The following BOK variants were observed in gnomAD, a reference collection of about 807,000 sequenced individuals.
BOK encodes the protein bcl-2-related ovarian killer protein.
A neutral mutation model predicts 18.3 loss-of-function variants in BOK; 20 were observed. The ratio of observed to expected loss-of-function variants is 1.09; its 90% CI spans 0.77 to 1.59. The LOEUF (loss-of-function observed/expected upper bound fraction) is 1.59, where lower values mean the gene tolerates loss of function less well. BOK is among the 40% of genes most tolerant of loss of function. The probability of loss-of-function intolerance (pLI) is 0.00; values close to 1 mark genes in which losing one functional copy is unlikely to be tolerated. For missense variants in BOK, 348 were observed against 307.9 expected (o/e 1.13, Z -0.97); for synonymous variants, 173 against 142.4 (o/e 1.21, Z -1.53).
At chr2:241,567,961 C>T (rs145298473) in intron 3 of BOK, among the ~76,000 whole-genome samples, 173 of 152,220 alleles carry the variant, frequency 1.1e-3, no homozygotes, top group Non-Finnish European at 2.2e-3. Context: ...CGCCCACTGC[C>T]AGCCGTGAGC....
At chr2:241,565,956 TTA>T (rs1575000168) in intron 3 of BOK, among the ~76,000 whole-genome samples, 1 of 152,164 alleles carries the variant, frequency 6.6e-6, no homozygotes, top group African/African-American at 2.4e-5. Context: ...ATATGTAATT[TTA>T]TATAATTCTT....
intron 1 of BOK, among the ~76,000 whole-genome samples, chr2:241,552,194 C>T (rs1442899634): frequency 3.3e-5 from 5 of 152,134 alleles, no homozygotes; most frequent in African/African-American, 1.2e-4. Context: ...ACAAGCGGCT[C>T]CCTCCATGCA....
chr2:241,554,383 C>T (rs2066436257), upstream of BOK, among the ~76,000 whole-genome samples: 1 of 152,200 alleles, frequency 6.6e-6, no homozygotes, highest in Non-Finnish European at 1.5e-5. Flanking sequence ...GGGTTATGGA[C>T]CCCTCTGCGC....
At chr2:241,570,079 G>A (rs111348061) in intron 3 of BOK, 46 bp from the exon 4 acceptor site, 239 of 1,584,106 alleles carry the variant, frequency 1.5e-4, no homozygotes, top group South Asian at 9.1e-4. Flanking sequence ...AAGTGCTCCC[G>A]TGGGCGGGAT....
At chr2:241,558,510 G>A (rs1414136963), upstream of BOK, among the ~76,000 whole-genome samples, 3 of 152,246 alleles carry the variant, frequency 2.0e-5, no homozygotes, top group East Asian at 3.8e-4. Flanking sequence ...GAACCTCTAC[G>A]AACGAAGAAG....
intron 1 of BOK, 113 bp from the exon 2 acceptor site, chr2:241,559,342 G>C (rs2066486800): frequency 1.3e-5 from 7 of 544,698 alleles, no homozygotes; most frequent in Non-Finnish European, 1.7e-5. Flanking sequence ...AAAAACGAGA[G>C]CGGACCCGGC....
rs775210637 is a variant in BOK, at chr2:241,552,408, G to A, written n.54+931G>A. Among the ~76,000 whole-genome samples the A allele has an allele frequency of 1.2e-3, 187 of 152,216 alleles. 1 individual carries two copies. The highest frequency in any genetic ancestry group is 0.01 in the Middle Eastern group (3 of 294). On this transcript the variant is annotated intron_variant and non_coding_transcript_variant, in intron 1 of 1. Transcript: ENST00000641230. The stretch of plus-strand genomic sequence containing the variant: ...CACCCAGTCCCTCTGGCCTCTCCAC[G>A]CCGCGCCATGCCGGTCCACACCCTG...
chr2:241,559,186 C>T (rs1011868495), intron 1 of BOK, among the ~76,000 whole-genome samples, 193 bp downstream of exon 1: 1 of 151,556 alleles, frequency 6.6e-6, no homozygotes, highest in Non-Finnish European at 1.5e-5. Context: ...CCCACGCACT[C>T]GTCTTCGAGG....
In BOK at chr2:241,562,207, G is replaced by A. The variant is rs1024800047; in HGVS notation, c.221-141G>A. 8.8e-6 allele frequency: 10 copies of A among 1,135,536 alleles called. No homozygotes were observed. The African/African-American group carries it at 1.4e-4, about 16-fold the overall frequency. 70.3% of individuals were successfully genotyped at this position (1,135,536 alleles called of 1,614,324 possible). ...GGGAGGTCAGATGGGGTCAAGTGGAGGTGGGAATCAGACAAGTGAGGAACA... is the reference window on the plus strand; with the variant it reads ...GGGAGGTCAGATGGGGTCAAGTGGAAGTGGGAATCAGACAAGTGAGGAACA... On this transcript the variant is annotated intron_variant, in intron 2 of 4. Transcript: ENST00000318407. This position sits in a 1 kb window ranked among gnomAD's most constrained non-coding sequence, Gnocchi z 4.5.
intron 3 of BOK, among the ~76,000 whole-genome samples, chr2:241,565,552 C>T (rs1357586412): frequency 2.9e-5 from 4 of 136,330 alleles, no homozygotes; most frequent in Non-Finnish European, 6.2e-5. Flanking sequence ...CCACGCCAGC[C>T]ATCCCTGCAC....
At chr2:241,559,827 C>G in intron 2 of BOK, 124 bp downstream of exon 2, 6 of 1,138,254 alleles carry the variant, frequency 5.3e-6, no homozygotes, top group African/African-American at 1.6e-5. Context: ...CGGCCAGGCG[C>G]TCGGGACAGG....
chr2:241,563,227 C>T (rs4675800), intron 3 of BOK, among the ~76,000 whole-genome samples: 89,194 of 152,020 alleles, frequency 0.59, 26,507 homozygotes, highest in East Asian at 0.85. Context: ...CTCCCCTACT[C>T]GGTGCCCGCT....
At chr2:241,554,909 C>T (rs2066439152), upstream of BOK, among the ~76,000 whole-genome samples, 1 of 152,192 alleles carries the variant, frequency 6.6e-6, no homozygotes, top group Non-Finnish European at 1.5e-5. Context: ...GAGTTCCATG[C>T]TAGGTCAACA....
chr2:241,572,499 C>T lies in BOK; in HGVS notation c.*77C>T. The T allele has an allele frequency of 6.6e-7, 1 of 1,525,126 alleles. No individual in the cohort carries two copies. The highest frequency in any genetic ancestry group is 8.8e-7 in the Non-Finnish European group (1 of 1,138,246). The allele number at this position is 1,525,126 out of a possible 1,614,324, so 94.5% of individuals were successfully genotyped here. Reference sequence around the variant, plus strand: ...GGCCCTCAGCACCCGAACACATCTTCCTCCTCCCCACCCGAGCCTGGAGCA... The same window carrying T: ...GGCCCTCAGCACCCGAACACATCTTTCTCCTCCCCACCCGAGCCTGGAGCA... On this transcript the variant is annotated 3_prime_UTR_variant, in exon 5 of 5. Transcript: ENST00000318407.
Position 241,570,293 on chromosome 2 carries a change from G to GCT in BOK, c.513+6_513+7insTC, listed in dbSNP as rs1436636624. 5.2e-6 allele frequency: 8 copies of GCT among 1,550,196 alleles called. No homozygotes were observed. The East Asian group carries it at 9.7e-5, about 19-fold the overall frequency. ...CTGCGGAGACGCGGCGGATGGGTGA[G>GCT]CGCCTGAGTGCCCGTGTGGGTGGGA... On this transcript the variant is annotated splice_donor_region_variant and intron_variant, in intron 4 of 4. Coordinates refer to ENST00000318407, the MANE Select transcript of BOK (RefSeq NM_032515.5).
At chr2:241,568,823 A>G (rs1421599914) in intron 3 of BOK, among the ~76,000 whole-genome samples, 1 of 152,240 alleles carries the variant, frequency 6.6e-6, no homozygotes, top group Non-Finnish European at 1.5e-5. Flanking sequence ...GCTGCTGTGA[A>G]TGTCTGTGAC....
intron 3 of BOK, among the ~76,000 whole-genome samples, chr2:241,563,658 G>A (rs2066566470): frequency 1.3e-5 from 2 of 152,186 alleles, no homozygotes; most frequent in African/African-American, 4.8e-5. Flanking sequence ...GTGTGGGTCC[G>A]TGGCCAGTCA....
intron 4 of BOK, 131 bp from the exon 5 acceptor site, chr2:241,572,166 C>T: frequency 1.4e-6 from 2 of 1,393,240 alleles, no homozygotes; most frequent in Non-Finnish European, 1.9e-6. Context: ...GACCTCCTTC[C>T]CGAACAGTCT....
At chr2:241,565,225 C>G (rs1017100804) in intron 3 of BOK, among the ~76,000 whole-genome samples, 1 of 152,090 alleles carries the variant, frequency 6.6e-6, no homozygotes, top group African/African-American at 2.4e-5. Flanking sequence ...CACGCAGGCC[C>G]GGCTCTGGCC....
Sources: gnomAD v4.1 joint callset for allele counts (sites outside exome capture counted in the v4.1 genomes callset) on GRCh38, gnomAD v4.1.1 for gene constraint, Gnocchi (gnomAD v3.1) non-coding constraint, MANE v1.5 for transcripts, NCBI Gene and HGNC (gene_info 2026-07-23, HGNC 2026-07-21) for gene names.